ATPAF1: variants seen among roughly 807,000 people sequenced by gnomAD.
ATPAF1 encodes homolog of yeast ATP11.
In ATPAF1, 26 loss-of-function variants were observed where a neutral mutation model predicts 43.9. The ratio of observed to expected loss-of-function variants is 0.59; its 90% CI spans 0.43 to 0.82. The LOEUF is 0.82. Among genes scored for constraint, ATPAF1 ranks in the 40% least tolerant of loss-of-function variants. The pLI is 0.00. For missense variants in ATPAF1, 366 were observed against 435.0 expected (o/e 0.84, Z 1.41); for synonymous variants, 157 against 168.0 (o/e 0.93, Z 0.50).
At chr1:46,668,376 C>T, upstream of ATPAF1, 15 of 1,258,940 alleles carry the variant, frequency 1.2e-5, no homozygotes, top group Non-Finnish European at 1.5e-5. This position sits in a 1 kb window ranked among gnomAD's most constrained non-coding sequence, Gnocchi z 4.4. Flanking sequence ...GCCCGCGGCC[C>T]GCGCGCCCGC....
chr1:46,654,560 T>TA (rs56319728), intron 4 of ATPAF1, among the ~76,000 whole-genome samples: 2 of 145,882 alleles, frequency 1.4e-5, no homozygotes, highest in Non-Finnish European at 3.0e-5. Context: ...TTATTATTAT[T>TA]GTACTTTAAG....
At chr1:46,663,717 A>C (rs1676439601) in intron 2 of ATPAF1, 1 of 364,576 alleles carries the variant, frequency 2.7e-6, no homozygotes, top group Non-Finnish European at 4.2e-6. Flanking sequence ...AAGACTCAGC[A>C]GATTCACTTA....
chr1:46,652,408 T>C (rs1448493771), intron 6 of ATPAF1, 173 bp downstream of exon 6: 1 of 584,956 alleles, frequency 1.7e-6, no homozygotes, highest in East Asian at 2.9e-5. Flanking sequence ...TGAGCATCTT[T>C]ATTAAGTAAA....
At chr1:46,634,093 T>C (rs1253767242), downstream of ATPAF1, 1 of 334,440 alleles carries the variant, frequency 3.0e-6, no homozygotes, top group African/African-American at 2.2e-5. Context: ...TCTCTCTCAA[T>C]ACATAGACTC....
chr1:46,652,261 C>T (rs985280399), intron 6 of ATPAF1, among the ~76,000 whole-genome samples: 5 of 147,410 alleles, frequency 3.4e-5, no homozygotes, highest in Non-Finnish European at 7.5e-5. Flanking sequence ...TCTTCCAAAA[C>T]GCACTTGTAC....
At chr1:46,662,779 A>AT (rs1379452479) in intron 2 of ATPAF1, among the ~76,000 whole-genome samples, 2 of 151,692 alleles carry the variant, frequency 1.3e-5, no homozygotes, top group African/African-American at 2.4e-5. Context: ...ATTTTATTTT[A>AT]TTTTTTTCTA....
At chr1:46,652,925 T>C (rs1005922747) in intron 5 of ATPAF1, among the ~76,000 whole-genome samples, 3 of 152,104 alleles carry the variant, frequency 2.0e-5, no homozygotes, top group Non-Finnish European at 4.4e-5. Context: ...TAAGAAGGCC[T>C]GTTTAAACAA....
intron 2 of ATPAF1, among the ~76,000 whole-genome samples, chr1:46,663,489 A>G (rs1245588668): frequency 6.6e-6 from 1 of 152,174 alleles, no homozygotes; most frequent in Admixed American, 6.5e-5. Flanking sequence ...CTGGTGTGAG[A>G]TGGTATCTCA....
At chr1:46,649,859 G>C (rs1238239094) in intron 6 of ATPAF1, among the ~76,000 whole-genome samples, 2 of 152,096 alleles carry the variant, frequency 1.3e-5, no homozygotes, top group East Asian at 3.9e-4. Flanking sequence ...TGAAGAGATT[G>C]AGGCTGCAGT....
At chr1:46,643,975 C>T (rs1215836730) in intron 7 of ATPAF1, among the ~76,000 whole-genome samples, 1 of 152,206 alleles carries the variant, frequency 6.6e-6, no homozygotes, top group Non-Finnish European at 1.5e-5. Flanking sequence ...TAGACTTTAT[C>T]TCTAAAATTT....
At chr1:46,638,443 C>G (rs1675883004) in intron 8 of ATPAF1, among the ~76,000 whole-genome samples, 1 of 152,002 alleles carries the variant, frequency 6.6e-6, no homozygotes. Flanking sequence ...ACGGTGAAAC[C>G]CCGTCTCTAC....
downstream of ATPAF1, chr1:46,633,475 T>C (rs1271910220): frequency 6.2e-6 from 2 of 322,064 alleles, no homozygotes; most frequent in African/African-American, 4.4e-5. Flanking sequence ...ATAGAGCTAA[T>C]GAATAGCAAC....
intron 1 of ATPAF1, 32 bp from the exon 2 acceptor site, chr1:46,665,396 CT>C: frequency 6.3e-7 from 1 of 1,597,578 alleles, no homozygotes; most frequent in Non-Finnish European, 8.6e-7. Context: ...GGTAAACCAA[CT>C]GGGCCTTTTT....
intron 2 of ATPAF1, among the ~76,000 whole-genome samples, chr1:46,662,707 G>A (rs1023899826): frequency 5.9e-5 from 9 of 152,178 alleles, no homozygotes; most frequent in African/African-American, 1.2e-4. Flanking sequence ...GATTATAGGC[G>A]TGAGCCACTG....
intron 8 of ATPAF1, among the ~76,000 whole-genome samples, chr1:46,639,949 G>A (rs1236100087): frequency 1.3e-5 from 2 of 152,160 alleles, no homozygotes; most frequent in East Asian, 1.9e-4. Context: ...TGACCTTTAG[G>A]ATCCACTTTT....
Position 46,652,570 on chromosome 1 carries a change from C to T in ATPAF1, c.588+11G>A, listed in dbSNP as rs112067834. The T allele has an allele frequency of 2.4e-3, 3,843 of 1,612,288 alleles. 79 individuals carry two copies. The African/African-American group carries it at 0.044, about 18-fold the overall frequency. Reference sequence around the variant, plus strand: ...TGATAAGCAACCCTTACGTGATCACCAGAAACTTACTGTTGGACAGGACTG... The same window carrying T: ...TGATAAGCAACCCTTACGTGATCACTAGAAACTTACTGTTGGACAGGACTG... On this transcript the variant is annotated intron_variant, in intron 6 of 8. Transcript: ENST00000574428.
In ATPAF1 at chr1:46,651,462, G is replaced by A. The variant is rs138229104; in HGVS notation, c.588+1119C>T. On this transcript the variant is annotated intron_variant, in intron 6 of 8. Transcript: ENST00000574428. ...GTGAATAAAGCTGCAATAAGCATAC[G>A]TGTGCATGTGTCTTTATAGCAGCAT... Among the ~76,000 whole-genome samples, 772 of 152,248 alleles carry A rather than the reference G, an allele frequency of 5.1e-3. 8 individuals carry two copies. Among genetic ancestry groups the A allele is most frequent in the African/African-American group, 0.017 (724 of 41,534 alleles).
chr1:46,667,232 TG>T (rs1222394487), intron 1 of ATPAF1, among the ~76,000 whole-genome samples: 1 of 152,188 alleles, frequency 6.6e-6, no homozygotes, highest in African/African-American at 2.4e-5. Context: ...ATTAAGGCAG[TG>T]GAAGTAGAGA....
exon 4 of ATPAF1, chr1:46,658,128 T>C: frequency 6.2e-7 from 1 of 1,611,298 alleles, no homozygotes; most frequent in Non-Finnish European, 8.5e-7. Context: ...ATTCATTACC[T>C]GTTTTATTTC....
Sources: gnomAD v4.1 joint callset for allele counts (sites outside exome capture counted in the v4.1 genomes callset) on GRCh38, gnomAD v4.1.1 for gene constraint, Gnocchi (gnomAD v3.1) non-coding constraint, MANE v1.5 for transcripts, NCBI Gene and HGNC (gene_info 2026-07-23, HGNC 2026-07-21) for gene names.